Variants in DYNC1H1 observed in about 807,000 individuals in gnomAD.
DYNC1H1 encodes cytoplasmic dynein 1 heavy chain 1.
In DYNC1H1, 51 loss-of-function variants were observed where a neutral mutation model predicts 527.1. That is an observed-to-expected ratio of 0.10 (90% CI 0.08 to 0.12). The LOEUF (loss-of-function observed/expected upper bound fraction) is 0.12, where lower values mean the gene tolerates loss of function less well. DYNC1H1 is among the 10% of genes least tolerant of loss of function. The pLI, the probability that DYNC1H1 is intolerant of heterozygous loss-of-function variation, is 1.00. For synonymous variants in DYNC1H1, 2,189 were observed against 2,278.8 expected (o/e 0.96, Z 1.12); for missense variants, 2,771 against 5,971.8 (o/e 0.46, Z 17.66).
rs551573732 is a variant in DYNC1H1, at chr14:102,020,697, G to A, written c.8507+641G>A. Among the ~76,000 whole-genome samples the A allele has an allele frequency of 2.0e-5, 3 of 152,222 alleles. No homozygotes were observed. Among genetic ancestry groups the A allele is most frequent in the South Asian group, 4.1e-4 (2 of 4,826 alleles). ...AAAATTGCTAACGGATGACTGATCG[G>A]CATCAACTGTGGAAGGTTTTGTGGT... is the stretch of plus-strand genomic sequence containing the variant. On this transcript the variant is annotated intron_variant, in intron 42 of 77. Coordinates refer to ENST00000360184, the MANE Select transcript of DYNC1H1 (RefSeq NM_001376.5). This position sits in a 1 kb window ranked among gnomAD's most constrained non-coding sequence, Gnocchi z 4.3.
rs2048271864 is a variant in DYNC1H1, at chr14:102,012,747, T to G, written c.7014+277T>G. On this transcript the variant is annotated intron_variant, in intron 34 of 77. Coordinates refer to ENST00000360184, the MANE Select transcript of DYNC1H1 (RefSeq NM_001376.5). The surrounding 1 kb of genome is among the most constrained non-coding windows in gnomAD (Gnocchi z 4.9). ...TATCAGTTAACCCTGTATGGTGGGG[T>G]TGTCGTTAAGGTTTCTTAAGCTGTT... The G allele has an allele frequency of 2.1e-6, 1 of 476,318 alleles. No homozygotes were observed. Among genetic ancestry groups the G allele is most frequent in the Admixed American group, 3.4e-5 (1 of 29,818 alleles). 29.5% of individuals were successfully genotyped at this position (476,318 alleles called of 1,614,324 possible).
chr14:102,022,264 A>G (rs1375408183), intron 42 of DYNC1H1, among the ~76,000 whole-genome samples: 1 of 151,918 alleles, frequency 6.6e-6, no homozygotes, highest in South Asian at 2.1e-4. Context: ...TGGGAGGCCG[A>G]GGCGGGCGGA....
intron 57 of DYNC1H1, chr14:102,037,734 A>G (rs911121906): frequency 1.3e-5 from 2 of 153,716 alleles, no homozygotes; most frequent in African/African-American, 4.8e-5. Context: ...CTGCACTTGT[A>G]TTTCTGAACT....
intron 41 of DYNC1H1, among the ~76,000 whole-genome samples, chr14:102,019,414 G>T (rs998172996): frequency 6.6e-6 from 1 of 152,182 alleles, no homozygotes; most frequent in African/African-American, 2.4e-5. Flanking sequence ...CATGCTTTGG[G>T]ACAGCTTTCT....
rs771909697 is a variant in DYNC1H1, at chr14:102,027,555, G to A, written c.9048+11G>A. ...CTGGCCAATGGAGAGGTAATTAGGT[G>A]ACGTGTTGCGTTGCATTACGTGTTA... On this transcript the variant is annotated intron_variant, in intron 46 of 77. Transcript: ENST00000360184. The surrounding 1 kb of genome is among the most constrained non-coding windows in gnomAD (Gnocchi z 7.7). 6.2e-7 allele frequency: 1 copy of A among 1,614,198 alleles called. No individual in the cohort carries two copies. The highest frequency in any genetic ancestry group is 2.2e-5 in the East Asian group (1 of 44,884).
Position 102,007,052 on chromosome 14 carries a change from C to T in DYNC1H1, c.5761C>T (p.His1921Tyr). 6.2e-7 allele frequency: 1 copy of T among 1,614,246 alleles called. No homozygotes were observed. The highest frequency in any genetic ancestry group is 8.5e-7 in the Non-Finnish European group (1 of 1,180,040). Reference sequence around the variant, plus strand: ...AACAGAGTCTGTCAAAGCTCTTGGCCATCAGCTTGGACGGTTTGTTTTAGT... The same window carrying T: ...AACAGAGTCTGTCAAAGCTCTTGGCTATCAGCTTGGACGGTTTGTTTTAGT... ...GKTESVKALG[H>Y]QLGRFVLVFN... is the part of the protein sequence containing the mutation. The change falls in exon 28 of 78, where the codon CAT becomes TAT. Residue 1921 changes from histidine (H) to tyrosine (Y), a missense_variant. By Grantham distance (83) the His-to-Tyr change is moderately conservative. Around this residue, in one of 32 missense-constraint regions of DYNC1H1, gnomAD observed 22 missense variants for 109.5 expected, o/e 0.20. Transcript: ENST00000360184.
intron 28 of DYNC1H1, among the ~76,000 whole-genome samples, chr14:102,007,370 C>T (rs376133208): frequency 1.6e-4 from 24 of 152,028 alleles, no homozygotes; most frequent in African/African-American, 4.8e-4. Flanking sequence ...AGTTTTTTGA[C>T]GACATTTTTA....
At position 102,005,834 on chromosome 14, in the gene DYNC1H1, T is replaced by G; in HGVS notation, c.5434-54T>G. On this transcript the variant is annotated intron_variant, in intron 26 of 77. Coordinates refer to ENST00000360184, the MANE Select transcript of DYNC1H1 (RefSeq NM_001376.5). This position sits in a 1 kb window ranked among gnomAD's most constrained non-coding sequence, Gnocchi z 4.0. Reference sequence around the variant, plus strand: ...TTTAACAGTCCACAAACCCGGAGAATGCACTGTATTGCTTTAGTGTAGATG... The same window carrying G: ...TTTAACAGTCCACAAACCCGGAGAAGGCACTGTATTGCTTTAGTGTAGATG... 6.2e-7 allele frequency: 1 copy of G among 1,608,108 alleles called. No homozygotes were observed. The highest frequency in any genetic ancestry group is 8.5e-7 in the Non-Finnish European group (1 of 1,175,060).
rs775105649 is a variant in DYNC1H1 at position 101,987,564 on chromosome 14, G to T, written c.2650G>T (p.Ala884Ser). The change falls in exon 9 of 78, where the codon GCA (alanine) becomes TCA (serine). Residue 884 changes from alanine to serine, a missense_variant. Physicochemically the swap from Ala to Ser is moderately conservative, Grantham distance 99. Coordinates refer to ENST00000360184, the MANE Select transcript of DYNC1H1 (RefSeq NM_001376.5). ...GGAAATCTTGAACAGAGTCCAGAAA[G>T]CAGTGGATGACTTAAATCTGCACTC... ...FSEILNRVQKAVDDLNLHSYS... is the reference protein window; with the variant it reads ...FSEILNRVQKSVDDLNLHSYS... 1.9e-6 allele frequency: 3 copies of T among 1,614,050 alleles called. No individual in the cohort carries two copies. In the African/African-American group the frequency reaches 4.0e-5, roughly 22 times the overall value.
chr14:101,976,574 G>A (rs148161309), intron 2 of DYNC1H1, among the ~76,000 whole-genome samples: 6 of 151,386 alleles, frequency 4.0e-5, no homozygotes, highest in Admixed American at 3.3e-4. Flanking sequence ...AAAAGAAAAC[G>A]CTCAAAAGAT....
Position 102,044,887 on chromosome 14 carries a change from C to G in DYNC1H1, c.13006+189C>G. The G allele has an allele frequency of 1.5e-6, 1 of 650,078 alleles. No homozygotes were observed. 40.3% of individuals were successfully genotyped at this position (650,078 alleles called of 1,614,324 possible). ...GTCTCCAGCTGCTCCTAGCTCCACT[C>G]CGAGGGGAGGCAGAGGAAAGAACTG... is the stretch of plus-strand genomic sequence containing the variant. On this transcript the variant is annotated intron_variant, in intron 72 of 77. Coordinates refer to ENST00000360184, the MANE Select transcript of DYNC1H1 (RefSeq NM_001376.5). This position sits in a 1 kb window ranked among gnomAD's most constrained non-coding sequence, Gnocchi z 7.1.
At chr14:102,048,819 C>CGG in intron 74 of DYNC1H1, 150 bp downstream of exon 74, 1 of 338,404 alleles carries the variant, frequency 3.0e-6, no homozygotes, top group Non-Finnish European at 4.4e-6. Context: ...TCAAGGTGGG[C>CGG]GGGGGGAGGG....
Position 102,001,544 on chromosome 14 carries a change from G to A in DYNC1H1, c.4405G>A (p.Val1469Met), listed in dbSNP as rs1401420048. ...TCTGGTTTGAATTCAGATAAGAGAA[G>A]TGTGGAATACTTATGAACTAGACTT... ...LEEFLKQIRE[V>M]WNTYELDLVN... is the part of the protein sequence containing the mutation. Residue 1469 changes from valine to methionine, a missense_variant, in exon 21 of 78, where the codon GTG becomes ATG. By Grantham distance (21) the Val-to-Met change is conservative (BLOSUM62 1). Transcript: ENST00000360184. The surrounding 1 kb of genome is among the most constrained non-coding windows in gnomAD (Gnocchi z 5.0). 1.2e-6 allele frequency: 2 copies of A among 1,614,028 alleles called. No individual in the cohort carries two copies. The highest frequency in any genetic ancestry group is 2.2e-5 in the East Asian group (1 of 44,896).
At chr14:101,998,880 T>TTTTTTTTTTGTTTTTTTTTTG (rs1260375846) in intron 16 of DYNC1H1, among the ~76,000 whole-genome samples, 3 of 84,096 alleles carry the variant, frequency 3.6e-5, no homozygotes, top group African/African-American at 2.9e-4. Flanking sequence ...AAACTTTTTC[T>TTTTTTTTTTGTTTTTTTTTTG]TTTTTTTTTT....
chr14:102,021,715 A>G (rs1011732476), intron 42 of DYNC1H1, among the ~76,000 whole-genome samples: 15 of 144,462 alleles, frequency 1.0e-4, no homozygotes, highest in African/African-American at 3.9e-4. Flanking sequence ...GCTAGAGTGC[A>G]ATGGCATGAT....
chr14:102,018,124 A>C lies in DYNC1H1; in HGVS notation c.8178-327A>C, dbSNP rs1198805596. The stretch of plus-strand genomic sequence containing the variant: ...CCATCTCAAAATAAATAAATAAATA[A>C]AATAAAATGAAATAAAAGCATTGAT... On this transcript the variant is annotated intron_variant, in intron 40 of 77. Transcript: ENST00000360184. The surrounding 1 kb of genome is among the most constrained non-coding windows in gnomAD (Gnocchi z 5.2). The C allele has an allele frequency of 1.0e-5, 3 of 286,464 alleles. No homozygotes were observed. The highest frequency in any genetic ancestry group is 4.6e-5 in the South Asian group (1 of 21,914). 17.7% of individuals were successfully genotyped at this position (286,464 alleles called of 1,614,324 possible). A position where few individuals can be genotyped will look rare whatever the true frequency, so the allele number is the denominator to read the frequency against.
chr14:101,993,946 C>G (rs910730577), intron 11 of DYNC1H1, among the ~76,000 whole-genome samples: 16 of 152,190 alleles, frequency 1.1e-4, no homozygotes, highest in African/African-American at 3.9e-4. Context: ...GTGCACTTTT[C>G]AGCTGTTTTT....
chr14:102,045,709 A>AT (rs2048709267), intron 72 of DYNC1H1, among the ~76,000 whole-genome samples: 1 of 152,092 alleles, frequency 6.6e-6, no homozygotes, highest in African/African-American at 2.4e-5. Context: ...CTTCCCTAGA[A>AT]TTTTTTAGCA....
intron 5 of DYNC1H1, among the ~76,000 whole-genome samples, chr14:101,982,668 C>A (rs2047881918): frequency 6.8e-6 from 1 of 147,436 alleles, no homozygotes; most frequent in African/African-American, 2.5e-5. Context: ...CCCACCCCCC[C>A]ACCACCCCCC....
Sources: allele counts gnomAD v4.1 joint callset (sites outside exome capture counted in the v4.1 genomes callset), GRCh38; gene constraint gnomAD v4.1.1; regional missense constraint gnomAD v4.1.1; non-coding constraint Gnocchi (gnomAD v3.1); transcripts MANE v1.5; gene names NCBI Gene and HGNC (gene_info 2026-07-23, HGNC 2026-07-21).